ROBO2: variants seen among roughly 807,000 people sequenced by gnomAD.
ROBO2 encodes the protein roundabout guidance receptor 2, also known as roundabout homolog 2.
Under a neutral mutation model 160.8 loss-of-function variants are expected in ROBO2, and 53 were observed. The observed-to-expected ratio is 0.33, with a 90% confidence interval of 0.26 to 0.41. The LOEUF (loss-of-function observed/expected upper bound fraction) is 0.41. ROBO2 is among the 10% of genes least tolerant of loss of function. The pLI, the probability that ROBO2 is intolerant of heterozygous loss-of-function variation, is 1.00. For missense variants in ROBO2, 1,577 were observed against 1,722.4 expected (o/e 0.92, Z 1.49); for synonymous variants, 664 against 611.7 (o/e 1.09, Z -1.26).
At chr3:77,311,595 C>G (rs541579765) in intron 2 of ROBO2, among the ~76,000 whole-genome samples, 1 of 152,202 alleles carries the variant, frequency 6.6e-6, no homozygotes, top group Admixed American at 6.5e-5. Context: ...AGTTCCCATA[C>G]GACAGTCATC....
intron 1 of ROBO2, among the ~76,000 whole-genome samples, chr3:75,931,731 C>T (rs186414203): frequency 1.2e-4 from 18 of 152,040 alleles, no homozygotes; most frequent in Admixed American, 3.3e-4. Context: ...GTCTGATGTT[C>T]CCCCCAACAC....
chr3:76,267,247 A>G (rs1430909235), intron 2 of ROBO2, among the ~76,000 whole-genome samples: 1 of 152,192 alleles, frequency 6.6e-6, no homozygotes, highest in Admixed American at 6.6e-5. Context: ...AGAGGTTATT[A>G]ACTTGCCTTT....
At chr3:77,317,248 C>G (rs1297955998) in intron 2 of ROBO2, 1 of 780,140 alleles carries the variant, frequency 1.3e-6, no homozygotes, top group Non-Finnish European at 2.3e-6. Flanking sequence ...AATGTGCTCC[C>G]ACTTGCACCC....
At chr3:76,131,591 A>G (rs955437544) in intron 2 of ROBO2, among the ~76,000 whole-genome samples, 8 of 152,132 alleles carry the variant, frequency 5.3e-5, no homozygotes, top group African/African-American at 1.7e-4. Flanking sequence ...GCAGGAATCA[A>G]CTGAGACCTG....
chr3:77,373,628 A>G (rs1324365724), intron 2 of ROBO2, among the ~76,000 whole-genome samples: 1 of 152,146 alleles, frequency 6.6e-6, no homozygotes, highest in Non-Finnish European at 1.5e-5. Flanking sequence ...GCTTATCTCC[A>G]GAAAAGCTGC....
chr3:76,416,487 G>T (rs1046193521), intron 2 of ROBO2, among the ~76,000 whole-genome samples: 2 of 152,044 alleles, frequency 1.3e-5, no homozygotes, highest in Non-Finnish European at 2.9e-5. Context: ...TTTACATTTT[G>T]ACCATTATAT....
At chr3:76,827,533 G>A (rs1000362108) in intron 2 of ROBO2, among the ~76,000 whole-genome samples, 4 of 151,968 alleles carry the variant, frequency 2.6e-5, no homozygotes, top group Non-Finnish European at 4.4e-5. Context: ...CTTTCTTTGC[G>A]GAAACAGAAG....
At chr3:77,223,448 A>T (rs1479940401) in intron 2 of ROBO2, among the ~76,000 whole-genome samples, 1 of 152,122 alleles carries the variant, frequency 6.6e-6, no homozygotes, top group Non-Finnish European at 1.5e-5. Context: ...ATGCACATTT[A>T]ATGTCAGTTT....
At chr3:77,449,351 C>T (rs987383877) in intron 2 of ROBO2, among the ~76,000 whole-genome samples, 22 of 151,808 alleles carry the variant, frequency 1.4e-4, no homozygotes, top group Admixed American at 9.2e-4. Context: ...TTTAAATATG[C>T]GTATGGGGTA....
intron 2 of ROBO2, among the ~76,000 whole-genome samples, chr3:76,493,500 TA>T (rs1194112476): frequency 6.6e-6 from 1 of 151,856 alleles, no homozygotes; most frequent in Non-Finnish European, 1.5e-5. Flanking sequence ...TGTTTGTCCA[TA>T]TCCAATTTTT....
intron 2 of ROBO2, among the ~76,000 whole-genome samples, chr3:76,305,858 CA>C (rs887507277): frequency 5.3e-5 from 8 of 150,082 alleles, no homozygotes; most frequent in Admixed American, 5.3e-4. Context: ...AAAAAAAAAA[CA>C]AAAAAACATC....
Position 77,384,508 on chromosome 3 carries a change from T to G in ROBO2, c.389-92906T>G, listed in dbSNP as rs2073896873. ...CTGAACAAGGAAATAAATACCTCTCTCCAACTTTTAGAAACAATTGAATGA... is the reference window on the plus strand; with the variant it reads ...CTGAACAAGGAAATAAATACCTCTCGCCAACTTTTAGAAACAATTGAATGA... On this transcript the variant is annotated intron_variant, in intron 2 of 25. Transcript: ENST00000461745. Among the ~76,000 whole-genome samples, 2 of 152,148 alleles carry G rather than the reference T, an allele frequency of 1.3e-5. 1 individual carries two copies.
intron 2 of ROBO2, among the ~76,000 whole-genome samples, chr3:77,323,444 C>A (rs1376836697): frequency 6.6e-6 from 1 of 152,076 alleles, no homozygotes; most frequent in South Asian, 2.1e-4. Context: ...AATAGAATAA[C>A]ACATTTGCAT....
chr3:77,358,674 A>AAGTGTTTAGCAATTTGTATTAT (rs2069482594), intron 2 of ROBO2, among the ~76,000 whole-genome samples: 1 of 152,244 alleles, frequency 6.6e-6, no homozygotes, highest in African/African-American at 2.4e-5. Flanking sequence ...ATTTCTAAAT[A>AAGTGTTTAGCAATTTGTATTAT]GTACATCATT....
At chr3:76,609,013 A>G (rs2087873857) in intron 2 of ROBO2, among the ~76,000 whole-genome samples, 1 of 152,120 alleles carries the variant, frequency 6.6e-6, no homozygotes, top group East Asian at 1.9e-4. Flanking sequence ...GTGAGAACAT[A>G]CAGTAATTGA....
chr3:77,180,149 C>A (rs2080576827), intron 2 of ROBO2, among the ~76,000 whole-genome samples: 1 of 151,832 alleles, frequency 6.6e-6, no homozygotes, highest in South Asian at 2.1e-4. Flanking sequence ...TTCTGTTTAC[C>A]ACTAAAAACA....
chr3:76,257,284 A>C (rs1250662089), intron 2 of ROBO2, among the ~76,000 whole-genome samples: 1 of 148,650 alleles, frequency 6.7e-6, no homozygotes, highest in African/African-American at 2.5e-5. Flanking sequence ...CTATGTGTGC[A>C]CACACGTGCA....
At chr3:77,044,426 G>GA (rs2064420631) in intron 1 of ROBO2, among the ~76,000 whole-genome samples, 1 of 152,040 alleles carries the variant, frequency 6.6e-6, no homozygotes, top group Admixed American at 6.6e-5. Context: ...AAGAGTATTA[G>GA]AAAAAAAGAT....
intron 2 of ROBO2, among the ~76,000 whole-genome samples, chr3:76,282,820 G>C (rs1009908214): frequency 2.4e-4 from 36 of 151,704 alleles, no homozygotes; most frequent in African/African-American, 8.0e-4. Context: ...AGTGCATGCT[G>C]TGCTTTGCAA....
Sources: allele counts gnomAD v4.1 joint callset (sites outside exome capture counted in the v4.1 genomes callset), GRCh38; gene constraint gnomAD v4.1.1; transcripts MANE v1.5; gene names NCBI Gene and HGNC (gene_info 2026-07-23, HGNC 2026-07-21).